The following EXOC4 variants were observed in gnomAD, a reference collection of about 807,000 sequenced individuals.
EXOC4 encodes the protein SEC8-like 1.
A neutral mutation model predicts 107.2 loss-of-function variants in EXOC4; 71 were observed. The ratio of observed to expected loss-of-function variants is 0.66; its 90% CI spans 0.55 to 0.81. EXOC4 has a LOEUF of 0.81. EXOC4 is among the 30% of genes least tolerant of loss of function. The pLI, the probability that EXOC4 is intolerant of heterozygous loss-of-function variation, is 0.00. For missense variants in EXOC4, 1,108 were observed against 1,189.6 expected (o/e 0.93, Z 1.01); for synonymous variants, 456 against 441.2 (o/e 1.03, Z -0.42).
intron 10 of EXOC4, among the ~76,000 whole-genome samples, chr7:133,794,385 C>T (rs1032365697): frequency 7.9e-5 from 12 of 152,214 alleles, no homozygotes; most frequent in Admixed American, 5.9e-4. Flanking sequence ...GGCCGACTAG[C>T]CCCTTGGTGA....
At chr7:133,546,272 T>TTTC (rs1554470304) in intron 9 of EXOC4, among the ~76,000 whole-genome samples, 60 of 148,996 alleles carry the variant, frequency 4.0e-4, no homozygotes, top group Admixed American at 8.7e-4. Flanking sequence ...TTTTTTTTTT[T>TTTC]CCGAGATGGA....
At chr7:133,578,616 C>T (rs1424511825) in intron 9 of EXOC4, among the ~76,000 whole-genome samples, 4 of 152,010 alleles carry the variant, frequency 2.6e-5, no homozygotes, top group African/African-American at 4.8e-5. Context: ...AGAGGATTAT[C>T]GATTAATTTG....
chr7:133,674,094 A>C (rs1167341710), intron 10 of EXOC4, among the ~76,000 whole-genome samples: 1 of 152,216 alleles, frequency 6.6e-6, no homozygotes, highest in Non-Finnish European at 1.5e-5. Flanking sequence ...CCAAGGAAAA[A>C]ATGCAGAGCT....
intron 10 of EXOC4, among the ~76,000 whole-genome samples, chr7:133,700,494 T>C (rs1383531842): frequency 6.6e-6 from 1 of 152,192 alleles, no homozygotes; most frequent in Non-Finnish European, 1.5e-5. Context: ...TTTTGACAAA[T>C]TCCAAAATTG....
intron 9 of EXOC4, among the ~76,000 whole-genome samples, chr7:133,487,403 G>T (rs529960858): frequency 1.3e-5 from 2 of 152,112 alleles, no homozygotes; most frequent in South Asian, 2.1e-4. Context: ...ATATTATATG[G>T]TTTTTTAAAA....
chr7:133,572,063 A>T (rs1249588265), intron 9 of EXOC4, among the ~76,000 whole-genome samples: 1 of 152,194 alleles, frequency 6.6e-6, no homozygotes, highest in African/African-American at 2.4e-5. Flanking sequence ...TTTGTTAGTG[A>T]GTTACTGGGT....
chr7:133,868,597 C>T (rs975593811), intron 11 of EXOC4, among the ~76,000 whole-genome samples: 1 of 152,132 alleles, frequency 6.6e-6, no homozygotes, highest in Non-Finnish European at 1.5e-5. Flanking sequence ...GAACCACTCC[C>T]TCCCTTTTGC....
At chr7:134,011,668 C>T (rs899128603) in intron 17 of EXOC4, among the ~76,000 whole-genome samples, 3 of 151,898 alleles carry the variant, frequency 2.0e-5, no homozygotes, top group Admixed American at 6.6e-5. Flanking sequence ...ATTTATTCAG[C>T]GTATGTTCTC....
intron 7 of EXOC4, among the ~76,000 whole-genome samples, chr7:133,458,360 C>T (rs1441045668): frequency 2.0e-5 from 3 of 152,198 alleles, no homozygotes; most frequent in African/African-American, 7.2e-5. Flanking sequence ...ACTGTGATGA[C>T]ACTATAATTG....
At chr7:133,856,936 T>TA (rs1337846806) in intron 11 of EXOC4, among the ~76,000 whole-genome samples, 1 of 149,954 alleles carries the variant, frequency 6.7e-6, no homozygotes, top group Non-Finnish European at 1.5e-5. Flanking sequence ...CCGTCTCTAC[T>TA]AAAAATACAA....
chr7:133,669,108 G>T (rs1005644298), intron 10 of EXOC4, among the ~76,000 whole-genome samples: 1 of 148,178 alleles, frequency 6.7e-6, no homozygotes, highest in African/African-American at 2.5e-5. Flanking sequence ...TGGCAAAAAG[G>T]CATTTACCTT....
chr7:133,690,739 C>T lies in EXOC4; in HGVS notation c.1514+60598C>T, dbSNP rs563520371. Among the ~76,000 whole-genome samples the T allele has an allele frequency of 6.6e-5, 10 of 152,144 alleles. No individual in the cohort carries two copies. In the South Asian group the frequency reaches 2.1e-3, roughly 32 times the overall value. On this transcript the variant is annotated intron_variant, in intron 10 of 17. Coordinates refer to ENST00000253861, the MANE Select transcript of EXOC4 (RefSeq NM_021807.4). ...TAATATTTACATACATGGGAGTTCA[C>T]AGAAGAGAAAATCAAAAAAGTAGTC...
chr7:133,853,377 C>T (rs1395705500), intron 11 of EXOC4, among the ~76,000 whole-genome samples: 2 of 126,902 alleles, frequency 1.6e-5, no homozygotes, highest in Non-Finnish European at 3.5e-5. Context: ...CACACACACA[C>T]ACACACACAC....
At chr7:134,042,121 G>A (rs997043625) in intron 17 of EXOC4, among the ~76,000 whole-genome samples, 3 of 152,068 alleles carry the variant, frequency 2.0e-5, no homozygotes, top group Non-Finnish European at 4.4e-5. Flanking sequence ...TTAGGAAAAG[G>A]GAAAAGAAAG....
At chr7:133,866,967 G>A (rs900052717) in intron 11 of EXOC4, among the ~76,000 whole-genome samples, 2 of 152,194 alleles carry the variant, frequency 1.3e-5, no homozygotes, top group Non-Finnish European at 2.9e-5. Context: ...TTTGCTGAGA[G>A]GATCACTTGC....
downstream of EXOC4, among the ~76,000 whole-genome samples, chr7:134,071,172 T>C (rs1796268929): frequency 6.6e-6 from 1 of 152,186 alleles, no homozygotes; most frequent in Non-Finnish European, 1.5e-5. Context: ...ACAAGATGTA[T>C]ATTATTATCA....
chr7:133,467,673 T>C (rs1330958579), intron 7 of EXOC4, among the ~76,000 whole-genome samples: 1 of 151,772 alleles, frequency 6.6e-6, no homozygotes, highest in Admixed American at 6.6e-5. Context: ...TAATGTCGCC[T>C]GAAATATTCG....
intron 10 of EXOC4, among the ~76,000 whole-genome samples, chr7:133,722,255 G>A (rs1795120512): frequency 1.3e-5 from 2 of 152,140 alleles, no homozygotes; most frequent in African/African-American, 2.4e-5. Flanking sequence ...AATGCACTTT[G>A]ATTTTGAGAG....
At chr7:133,803,978 A>G (rs1797010186) in intron 10 of EXOC4, among the ~76,000 whole-genome samples, 1 of 152,122 alleles carries the variant, frequency 6.6e-6, no homozygotes, top group African/African-American at 2.4e-5. Context: ...TTCACTTTTG[A>G]TGTGAATTTG....
Sources: gnomAD v4.1 joint callset for allele counts (sites outside exome capture counted in the v4.1 genomes callset) on GRCh38, gnomAD v4.1.1 for gene constraint, MANE v1.5 for transcripts, NCBI Gene and HGNC (gene_info 2026-07-23, HGNC 2026-07-21) for gene names.